Variants in CCDC73 observed in about 807,000 individuals in gnomAD.
CCDC73 encodes coiled-coil domain-containing protein 73.
Under a neutral mutation model 116.5 loss-of-function variants are expected in CCDC73, and 95 were observed. The observed-to-expected ratio is 0.82, with a 90% CI of 0.69 to 0.97. The LOEUF (loss-of-function observed/expected upper bound fraction) is 0.97. Ranked by LOEUF, CCDC73 falls within the 50% of genes least tolerant of loss-of-function variation. CCDC73 has a pLI of 0.00. For missense variants in CCDC73, 1,066 were observed against 1,206.8 expected, an observed-to-expected ratio of 0.88 and a Z score of 1.73; for synonymous variants, 398 against 401.3, an observed-to-expected ratio of 0.99 and a Z score of 0.10.
chr11:32,780,015 T>C (rs1028532535), intron 1 of CCDC73, among the ~76,000 whole-genome samples: 4 of 152,192 alleles, frequency 2.6e-5, no homozygotes, highest in Admixed American at 2.6e-4. Context: ...AACTCACGCC[T>C]GTAACCTCAG....
chr11:32,745,220 T>G (rs898337211), intron 2 of CCDC73, among the ~76,000 whole-genome samples: 4 of 152,172 alleles, frequency 2.6e-5, no homozygotes, highest in Non-Finnish European at 5.9e-5. Flanking sequence ...CAGTTTTGAG[T>G]GAGTTTCTTA....
At chr11:32,727,414 G>A (rs1850037754) in intron 2 of CCDC73, among the ~76,000 whole-genome samples, 1 of 152,110 alleles carries the variant, frequency 6.6e-6, no homozygotes, top group African/African-American at 2.4e-5. Context: ...GCTTCCCAGA[G>A]GGAGGAATAG....
chr11:32,790,949 T>G (rs113555329), intron 1 of CCDC73, among the ~76,000 whole-genome samples: 3,670 of 152,280 alleles, frequency 0.024, 140 homozygotes, highest in African/African-American at 0.081. Context: ...ACACAACTTT[T>G]AACTAAACTA....
intron 5 of CCDC73, among the ~76,000 whole-genome samples, chr11:32,700,070 T>A (rs1014079034): frequency 1.8e-4 from 27 of 151,806 alleles, no homozygotes; most frequent in African/African-American, 6.0e-4. Flanking sequence ...ACAAATCATT[T>A]TATCAGTAGA....
intron 2 of CCDC73, among the ~76,000 whole-genome samples, chr11:32,731,897 A>C (rs763527337): frequency 6.6e-6 from 1 of 152,232 alleles, no homozygotes; most frequent in Non-Finnish European, 1.5e-5. Flanking sequence ...CAAAGGAACA[A>C]AGCTGGACGG....
At chr11:32,776,958 T>TAC (rs1565099249) in intron 1 of CCDC73, among the ~76,000 whole-genome samples, 860 of 29,654 alleles carry the variant, frequency 0.029, 11 homozygotes, top group Non-Finnish European at 0.047. Flanking sequence ...TATATATATA[T>TAC]ATACACACAC....
intron 1 of CCDC73, among the ~76,000 whole-genome samples, chr11:32,777,484 T>C (rs1257927923): frequency 6.6e-6 from 1 of 152,146 alleles, no homozygotes; most frequent in African/African-American, 2.4e-5. Flanking sequence ...TTAAGTTTAA[T>C]GCAAAAATAC....
chr11:32,638,817 G>A (rs1297256805), intron 13 of CCDC73, among the ~76,000 whole-genome samples: 1 of 151,926 alleles, frequency 6.6e-6, no homozygotes. Context: ...CAACAGGATG[G>A]AATGGGAAGG....
the CCDC73 span, among the ~76,000 whole-genome samples, chr11:32,828,843 A>T: frequency 6.6e-6 from 1 of 152,266 alleles, no homozygotes; most frequent in African/African-American, 2.4e-5. Context: ...TATTATTTGA[A>T]ATCAAGACAA....
At chr11:32,678,615 G>A (rs1426103932) in intron 7 of CCDC73, among the ~76,000 whole-genome samples, 1 of 152,060 alleles carries the variant, frequency 6.6e-6, no homozygotes, top group Non-Finnish European at 1.5e-5. Flanking sequence ...CTGGGTCATG[G>A]TGGCTCACGT....
At chr11:32,830,080 G>C in the CCDC73 span, 78 of 989,384 alleles carry the variant, frequency 7.9e-5, no homozygotes, top group Non-Finnish European at 4.9e-5. Context: ...CGAGGTTTGA[G>C]GGCGCCGGAG....
intron 1 of CCDC73, among the ~76,000 whole-genome samples, chr11:32,766,006 AAAG>A (rs1373823226): frequency 1.3e-5 from 2 of 152,240 alleles, no homozygotes; most frequent in African/African-American, 4.8e-5. Flanking sequence ...CACAACAAAA[AAAG>A]AGAATTTTAG....
chr11:32,792,426 G>A (rs773742587), intron 1 of CCDC73, among the ~76,000 whole-genome samples: 4 of 152,180 alleles, frequency 2.6e-5, no homozygotes, highest in East Asian at 1.9e-4. Context: ...GTTTAAGAAT[G>A]CTGTGAGTTC....
intron 9 of CCDC73, among the ~76,000 whole-genome samples, chr11:32,675,167 A>AC (rs1488243448): frequency 6.6e-6 from 1 of 152,140 alleles, no homozygotes; most frequent in Non-Finnish European, 1.5e-5. Context: ...ATCTAACTCC[A>AC]CCACCAGACT....
intron 2 of CCDC73, among the ~76,000 whole-genome samples, chr11:32,733,796 A>G (rs1850101036): frequency 6.6e-6 from 1 of 152,216 alleles, no homozygotes; most frequent in African/African-American, 2.4e-5. Flanking sequence ...TTATAGCACT[A>G]AATGCCCACA....
intron 1 of CCDC73, among the ~76,000 whole-genome samples, chr11:32,764,361 G>A (rs532609439): frequency 9.2e-5 from 14 of 152,226 alleles, no homozygotes; most frequent in Middle Eastern, 3.4e-3. Context: ...GGCAGCCAGA[G>A]TAAAACGTCG....
chr11:32,667,752 C>T (rs1417629581), intron 9 of CCDC73, among the ~76,000 whole-genome samples: 1 of 152,220 alleles, frequency 6.6e-6, no homozygotes, highest in East Asian at 1.9e-4. Context: ...TTCTGCATCG[C>T]TCACACTGGG....
At chr11:32,629,887 C>A (rs1590555013) in intron 14 of CCDC73, among the ~76,000 whole-genome samples, 3 of 76,062 alleles carry the variant, frequency 3.9e-5, no homozygotes, top group East Asian at 3.0e-4. Context: ...CCTTTTCAGA[C>A]AAACAAAAGC....
chr11:32,683,318 C>G (rs1856164724), intron 7 of CCDC73: 1 of 469,644 alleles, frequency 2.1e-6, no homozygotes, highest in Non-Finnish European at 3.8e-6. Context: ...GATGCTCAAC[C>G]TGTATAAGTA....
Sources: gnomAD v4.1 joint callset for allele counts (sites outside exome capture counted in the v4.1 genomes callset) on GRCh38, gnomAD v4.1.1 for gene constraint, MANE v1.5 for transcripts, NCBI Gene and HGNC (gene_info 2026-07-23, HGNC 2026-07-21) for gene names.